Variants in PIK3CD observed in about 807,000 individuals in gnomAD.
PIK3CD encodes phosphatidylinositol-4,5-bisphosphate 3-kinase catalytic subunit delta.
In PIK3CD, 20 loss-of-function variants were observed where a neutral mutation model predicts 122.9. The ratio of observed to expected loss-of-function variants is 0.16; its 90% CI spans 0.11 to 0.24. PIK3CD has a LOEUF of 0.24. PIK3CD is among the 10% of genes least tolerant of loss of function. PIK3CD has a pLI of 1.00. For synonymous variants in PIK3CD, 596 were observed against 593.4 expected, an observed-to-expected ratio of 1.00 and a Z score of -0.06; for missense variants, 787 against 1,406.3, an observed-to-expected ratio of 0.56 and a Z score of 7.04.
intron 2 of PIK3CD, among the ~76,000 whole-genome samples, chr1:9,703,482 C>A (rs1376158240): frequency 6.6e-6 from 1 of 152,290 alleles, no homozygotes. Context: ...TTACTAGCAC[C>A]CAGAAGCCTC....
chr1:9,686,371 T>TTTTC lies in PIK3CD; in HGVS notation c.-137-5093_-137-5092insCTTT, dbSNP rs1005666156. The stretch of plus-strand genomic sequence containing the variant: ...ACCATGCCAGGCTAATTTTCTTTTT[T>TTTTC]TTTTTTTTTTAGTAGAGACGAGGTC... On this transcript the variant is annotated intron_variant, in intron 1 of 23. Coordinates refer to ENST00000377346, the MANE Select transcript of PIK3CD (RefSeq NM_005026.5). Among the ~76,000 whole-genome samples, 13 of 151,916 alleles carry TTTTC rather than the reference T, an allele frequency of 8.6e-5. No individual in the cohort carries two copies. The South Asian group carries it at 1.2e-3, about 15-fold the overall frequency.
Position 9,723,385 on chromosome 1 carries a change from G to C in PIK3CD, c.2594+93G>C, listed in dbSNP as rs111628017. ...TGTCAGAACAAAGGAGCGGGGAGGGGCCTCAGACCATCTTTGTGGCTACTT... is the reference window on the plus strand; with the variant it reads ...TGTCAGAACAAAGGAGCGGGGAGGGCCCTCAGACCATCTTTGTGGCTACTT... On this transcript the variant is annotated intron_variant, in intron 20 of 23. Coordinates refer to ENST00000377346, the MANE Select transcript of PIK3CD (RefSeq NM_005026.5). The surrounding 1 kb of genome is among the most constrained non-coding windows in gnomAD (Gnocchi z 4.9). The C allele has an allele frequency of 3.9e-3, 5,246 of 1,333,988 alleles. 152 individuals carry two copies. The African/African-American group carries it at 0.067, about 17-fold the overall frequency. The allele number at this position is 1,333,988 out of a possible 1,614,324, so 82.6% of individuals were successfully genotyped here.
chr1:9,631,651 G>A, the PIK3CD span, among the ~76,000 whole-genome samples: 2 of 152,190 alleles, frequency 1.3e-5, no homozygotes, highest in Non-Finnish European at 2.9e-5. Context: ...CTGGGTGACA[G>A]AGCAAGACTC....
intron 2 of PIK3CD, among the ~76,000 whole-genome samples, chr1:9,698,323 A>G (rs564728085): frequency 1.2e-4 from 18 of 152,220 alleles, no homozygotes; most frequent in African/African-American, 4.3e-4. Flanking sequence ...TGTGTTTTTA[A>G]TAGAGACGGG....
the PIK3CD span, among the ~76,000 whole-genome samples, chr1:9,641,499 G>A: frequency 6.6e-6 from 1 of 152,198 alleles, no homozygotes; most frequent in South Asian, 2.1e-4. Context: ...GGGCAGGGAT[G>A]TGAACCCTAG....
In PIK3CD at chr1:9,724,035, T is replaced by C. The variant is rs148030152; in HGVS notation, c.2661T>C (p.Tyr887=). The change falls in exon 21 of 24, where the codon TAT becomes TAC. Residue 887 remains tyrosine (Y), a synonymous_variant. Coordinates refer to ENST00000377346, the MANE Select transcript of PIK3CD (RefSeq NM_005026.5). The surrounding 1 kb of genome is among the most constrained non-coding windows in gnomAD (Gnocchi z 7.3). ...LSCAGYCVAT[Y]VLGIGDRHSD... is the part of the protein sequence containing the mutation. Reference sequence around the variant, plus strand: ...GTGCTGGCTATTGTGTGGCCACATATGTGCTGGGCATTGGCGATCGGCACA... The same window carrying C: ...GTGCTGGCTATTGTGTGGCCACATACGTGCTGGGCATTGGCGATCGGCACA... 67 of 1,614,056 alleles carry C rather than the reference T, an allele frequency of 4.2e-5. No homozygotes were observed. Among genetic ancestry groups the C allele is most frequent in the Non-Finnish European group, 4.7e-5 (55 of 1,180,042 alleles).
At chr1:9,646,273 A>G in the PIK3CD span, among the ~76,000 whole-genome samples, 1 of 152,180 alleles carries the variant, frequency 6.6e-6, no homozygotes, top group Non-Finnish European at 1.5e-5. Context: ...TATCAGGGAG[A>G]AAATATAACT....
chr1:9,632,805 A>G, the PIK3CD span, among the ~76,000 whole-genome samples: 23 of 151,018 alleles, frequency 1.5e-4, no homozygotes, highest in Non-Finnish European at 2.7e-4. Flanking sequence ...CACCCTTGAG[A>G]GTTTCTTGGG....
rs1036470105 is a variant in PIK3CD, at chr1:9,683,007, C to T, written c.-137-8460C>T. Among the ~76,000 whole-genome samples the T allele has an allele frequency of 6.7e-5, 10 of 149,810 alleles. No individual in the cohort carries two copies. The South Asian group carries it at 8.5e-4, about 13-fold the overall frequency. On this transcript the variant is annotated intron_variant, in intron 1 of 23. Transcript: ENST00000377346. Reference sequence around the variant, plus strand: ...CAGTGCCATGGTGGGACGTGTCAAACGCTTTCCCCACTGGGATTGGGCCCT... The same window carrying T: ...CAGTGCCATGGTGGGACGTGTCAAATGCTTTCCCCACTGGGATTGGGCCCT...
intron 1 of PIK3CD, among the ~76,000 whole-genome samples, chr1:9,668,974 T>C (rs1645243132): frequency 6.6e-6 from 1 of 152,120 alleles, no homozygotes; most frequent in Non-Finnish European, 1.5e-5. Context: ...GACTCACTAA[T>C]GGTTTCATTC....
At chr1:9,694,512 C>T (rs947462128) in intron 2 of PIK3CD, among the ~76,000 whole-genome samples, 5 of 152,076 alleles carry the variant, frequency 3.3e-5, no homozygotes, top group Non-Finnish European at 5.9e-5. Context: ...TCAGCGTGAG[C>T]GACAGAGTGA....
chr1:9,667,672 G>A lies in PIK3CD; in HGVS notation c.-138+15870G>A, dbSNP rs373288237. 5.3e-5 allele frequency among the ~76,000 whole-genome samples: 8 copies of A among 152,076 alleles called. No individual in the cohort carries two copies. In the East Asian group the frequency reaches 1.3e-3, roughly 26 times the overall value. ...ATTACAGGCGTGAGCCACCGTGCCC[G>A]GCCGAAATAATGTTTTGCTAATAGG... is the stretch of plus-strand genomic sequence containing the variant. On this transcript the variant is annotated intron_variant, in intron 1 of 23. Transcript: ENST00000377346.
chr1:9,646,923 C>A (rs2100644438), upstream of PIK3CD, among the ~76,000 whole-genome samples: 1 of 150,744 alleles, frequency 6.6e-6, no homozygotes, highest in Admixed American at 6.6e-5. Flanking sequence ...CCACTGCACC[C>A]CAGCCTGGGA....
chr1:9,646,215 C>T, the PIK3CD span, among the ~76,000 whole-genome samples: 1 of 152,168 alleles, frequency 6.6e-6, no homozygotes, highest in African/African-American at 2.4e-5. Context: ...CCTCAGTTTT[C>T]TCATCCGTAA....
chr1:9,676,139 C>T (rs1645528804), intron 1 of PIK3CD, among the ~76,000 whole-genome samples: 1 of 152,118 alleles, frequency 6.6e-6, no homozygotes, highest in Non-Finnish European at 1.5e-5. Context: ...ACCATGTTGG[C>T]CAGGCTGGTC....
intron 1 of PIK3CD, among the ~76,000 whole-genome samples, chr1:9,674,032 G>A (rs1224497762): frequency 1.3e-5 from 2 of 152,200 alleles, no homozygotes. Context: ...CCATTGGCCA[G>A]GGTGTTTGGT....
chr1:9,631,965 T>TTCCC, the PIK3CD span, among the ~76,000 whole-genome samples: 7,172 of 149,952 alleles, frequency 0.048, 606 homozygotes, highest in African/African-American at 0.17. Context: ...TCCATCCTTC[T>TTCCC]TCCCTCCCTC....
chr1:9,708,035 C>G (rs1269383661), intron 2 of PIK3CD, among the ~76,000 whole-genome samples: 1 of 151,930 alleles, frequency 6.6e-6, no homozygotes, highest in Non-Finnish European at 1.5e-5. Flanking sequence ...ACCTCGTGAT[C>G]CACTCGCCTC....
Position 9,717,500 on chromosome 1 carries a change from T to A in PIK3CD, c.931-37T>A. The A allele has an allele frequency of 6.3e-7, 1 of 1,597,502 alleles. No individual in the cohort carries two copies. Among genetic ancestry groups the A allele is most frequent in the Non-Finnish European group, 8.6e-7 (1 of 1,165,264 alleles). The stretch of plus-strand genomic sequence containing the variant: ...TAGGCCAGGGAGACAAGCTGCACTT[T>A]GAGCCGTGTTAACAGCCCTGCTTCC... On this transcript the variant is annotated intron_variant, in intron 7 of 23. Coordinates refer to ENST00000377346, the MANE Select transcript of PIK3CD (RefSeq NM_005026.5). This position sits in a 1 kb window ranked among gnomAD's most constrained non-coding sequence, Gnocchi z 5.4.
Sources: gnomAD v4.1 joint callset for allele counts (sites outside exome capture counted in the v4.1 genomes callset) on GRCh38, gnomAD v4.1.1 for gene constraint, Gnocchi (gnomAD v3.1) non-coding constraint, MANE v1.5 for transcripts, NCBI Gene and HGNC (gene_info 2026-07-23, HGNC 2026-07-21) for gene names.